Variants in PRKCE observed in about 807,000 individuals in gnomAD.
PRKCE encodes protein kinase C epsilon type.
In PRKCE, 16 loss-of-function variants were observed where a neutral mutation model predicts 85.4. The ratio of observed to expected loss-of-function variants is 0.19; its 90% CI spans 0.13 to 0.28. The LOEUF (loss-of-function observed/expected upper bound fraction) is 0.28. Ranked by LOEUF, PRKCE falls within the 10% of genes least tolerant of loss-of-function variation. The probability of loss-of-function intolerance (pLI) is 1.00; values close to 1 mark genes in which losing one functional copy is unlikely to be tolerated. For missense variants in PRKCE, 573 were observed against 975.2 expected (o/e 0.59, Z 5.49); for synonymous variants, 388 against 371.5 (o/e 1.04, Z -0.51).
chr2:45,773,675 G>C (rs560344739), intron 1 of PRKCE, among the ~76,000 whole-genome samples: 2 of 152,318 alleles, frequency 1.3e-5, no homozygotes, highest in East Asian at 1.9e-4. Context: ...GTGTCCCCAA[G>C]TAGGCCTTGG....
intron 11 of PRKCE, among the ~76,000 whole-genome samples, chr2:46,123,726 C>G (rs1476019127): frequency 6.6e-6 from 1 of 152,126 alleles, no homozygotes; most frequent in Admixed American, 6.5e-5. Flanking sequence ...CCTCCAGTGA[C>G]CGACCTGCCT....
At chr2:45,928,003 G>A (rs1026483284) in intron 2 of PRKCE, among the ~76,000 whole-genome samples, 2 of 152,140 alleles carry the variant, frequency 1.3e-5, no homozygotes, top group Non-Finnish European at 1.5e-5. Context: ...GCCCAGGGCC[G>A]AGGAAGAGTA....
intron 3 of PRKCE, 83 bp from the exon 4 acceptor site, chr2:45,978,893 G>A: frequency 8.2e-7 from 1 of 1,214,064 alleles, no homozygotes. Flanking sequence ...GTGGGTGGTG[G>A]CCCAAATTGG....
At chr2:46,132,398 C>T (rs1266047094) in intron 11 of PRKCE, among the ~76,000 whole-genome samples, 1 of 152,176 alleles carries the variant, frequency 6.6e-6, no homozygotes, top group Non-Finnish European at 1.5e-5. Context: ...GTTCAGCATG[C>T]ACGAGCTGAA....
chr2:45,661,094 A>C (rs188888220), intron 1 of PRKCE, among the ~76,000 whole-genome samples: 4 of 152,286 alleles, frequency 2.6e-5, no homozygotes, highest in Admixed American at 6.5e-5. Context: ...TGTTAGTGAA[A>C]AGTCACCTGT....
chr2:45,770,943 T>A (rs1413001588), intron 1 of PRKCE: 1 of 152,154 alleles, frequency 6.6e-6, no homozygotes, highest in Non-Finnish European at 1.5e-5. Flanking sequence ...GTGGAAAATA[T>A]TTAAGTTTGG....
intron 2 of PRKCE, among the ~76,000 whole-genome samples, chr2:45,883,813 C>T (rs947377846): frequency 7.9e-5 from 12 of 152,210 alleles, no homozygotes; most frequent in Admixed American, 2.0e-4. Context: ...ATGGGTCACA[C>T]ACAGGCAGGA....
At chr2:45,664,839 G>C (rs617687) in intron 1 of PRKCE, among the ~76,000 whole-genome samples, 134,089 of 152,292 alleles carry the variant, frequency 0.88, 59,252 homozygotes, top group African/African-American at 0.97. Flanking sequence ...ATCCCATTTT[G>C]TGTGGTCCAG....
At chr2:45,809,713 G>C (rs1688514916) in intron 1 of PRKCE, among the ~76,000 whole-genome samples, 1 of 147,804 alleles carries the variant, frequency 6.8e-6, no homozygotes, top group African/African-American at 2.6e-5. Context: ...GTGAAACCCT[G>C]TCTCAAAAAA....
chr2:46,084,976 G>T (rs1344191039), intron 10 of PRKCE, among the ~76,000 whole-genome samples: 1 of 151,922 alleles, frequency 6.6e-6, no homozygotes, highest in East Asian at 1.9e-4. Flanking sequence ...TTTAGCACCT[G>T]GTGTCTTTCA....
At chr2:46,008,549 G>A (rs1348509052) in intron 9 of PRKCE, among the ~76,000 whole-genome samples, 2 of 152,102 alleles carry the variant, frequency 1.3e-5, no homozygotes, top group Admixed American at 6.5e-5. Flanking sequence ...AAGCTCCTGG[G>A]ATCACATGCC....
intron 11 of PRKCE, among the ~76,000 whole-genome samples, chr2:46,089,224 C>T (rs532368908): frequency 6.6e-6 from 1 of 152,296 alleles, no homozygotes; most frequent in South Asian, 2.1e-4. Context: ...CAATTTCAAC[C>T]TTCGCATGGC....
rs528462263 is a variant in PRKCE, at chr2:45,751,721, A to G, written c.349-91279A>G. ...ACCCAAGCAACATTTTTCAAAACAC[A>G]TTTTTGAAAGTACAGAAAATAAAAT... On this transcript the variant is annotated intron_variant, in intron 1 of 14. Transcript: ENST00000306156. 9.2e-5 allele frequency among the ~76,000 whole-genome samples: 14 copies of G among 151,706 alleles called. No homozygotes were observed. In the South Asian group the frequency reaches 2.7e-3, roughly 29 times the overall value.
intron 14 of PRKCE, among the ~76,000 whole-genome samples, chr2:46,177,934 A>C (rs780872358): frequency 6.6e-6 from 1 of 152,206 alleles, no homozygotes; most frequent in Non-Finnish European, 1.5e-5. Context: ...GGAACTGAGC[A>C]GTCACTTCTG....
At chr2:45,777,694 A>G (rs1291372588) in intron 1 of PRKCE, among the ~76,000 whole-genome samples, 1 of 152,164 alleles carries the variant, frequency 6.6e-6, no homozygotes, top group African/African-American at 2.4e-5. Context: ...GCACCCCTGT[A>G]AAGGTCATAC....
Position 45,842,980 on chromosome 2 carries a change from T to TGTCTCTGCAATTAA in PRKCE, c.349-17_349-16insTCTGCAATTAAGTC. 1 of 1,612,684 alleles carries TGTCTCTGCAATTAA rather than the reference T, an allele frequency of 6.2e-7. No homozygotes were observed. The highest frequency in any genetic ancestry group is 8.5e-7 in the Non-Finnish European group (1 of 1,178,722). ...CCACACAATGCACTAACAGAGTCAC[T>TGTCTCTGCAATTAA]GTCATTTTCTTAATTGCAGATTGAT... On this transcript the variant is annotated intron_variant, in intron 1 of 14. Coordinates refer to ENST00000306156, the MANE Select transcript of PRKCE (RefSeq NM_005400.3).
At chr2:46,108,499 G>A (rs1260344042) in intron 11 of PRKCE, among the ~76,000 whole-genome samples, 2 of 152,140 alleles carry the variant, frequency 1.3e-5, no homozygotes, top group Non-Finnish European at 2.9e-5. Flanking sequence ...ATGGACAGTG[G>A]AGACTCAGAG....
Position 46,159,481 on chromosome 2 carries a change from A to T in PRKCE, c.1921-125A>T. ...AAACCCAACAGATGTGGCCCTTGAA[A>T]GTGCAAAGAACAGACTTGGGAGGCG... is the stretch of plus-strand genomic sequence containing the variant. On this transcript the variant is annotated intron_variant, in intron 13 of 14. Transcript: ENST00000306156. The surrounding 1 kb of genome is among the most constrained non-coding windows in gnomAD (Gnocchi z 4.1). 7.0e-6 allele frequency: 7 copies of T among 1,000,392 alleles called. No homozygotes were observed. In the South Asian group the frequency reaches 1.3e-4, roughly 18 times the overall value. 62.0% of individuals were successfully genotyped at this position (1,000,392 alleles called of 1,614,324 possible).
At chr2:46,126,280 C>T (rs1415376702) in intron 11 of PRKCE, among the ~76,000 whole-genome samples, 2 of 152,176 alleles carry the variant, frequency 1.3e-5, no homozygotes, top group Middle Eastern at 3.2e-3. Flanking sequence ...CACTGTGCAG[C>T]GTGCTGGGGG....
Sources: gnomAD v4.1 joint callset for allele counts (sites outside exome capture counted in the v4.1 genomes callset) on GRCh38, gnomAD v4.1.1 for gene constraint, Gnocchi (gnomAD v3.1) non-coding constraint, MANE v1.5 for transcripts, NCBI Gene and HGNC (gene_info 2026-07-23, HGNC 2026-07-21) for gene names.